The following TNK2 variants were observed in gnomAD, a reference collection of about 807,000 sequenced individuals.
TNK2 encodes activated CDC42 kinase 1.
Under a neutral mutation model 101.8 loss-of-function variants are expected in TNK2, and 83 were observed. That is an observed-to-expected ratio of 0.82 (90% CI 0.68 to 0.98). The LOEUF (loss-of-function observed/expected upper bound fraction) is 0.98. Among genes scored for constraint, TNK2 ranks in the 50% least tolerant of loss-of-function variants. The probability of loss-of-function intolerance (pLI) is 0.00; values close to 1 mark genes in which losing one functional copy is unlikely to be tolerated. For missense variants in TNK2, 1,665 were observed against 1,483.2 expected, an observed-to-expected ratio of 1.12 and a Z score of -2.01; for synonymous variants, 804 against 633.0, an observed-to-expected ratio of 1.27 and a Z score of -4.06.
chr3:195,870,281 C>G, intron 10 of TNK2, 76 bp from the exon 11 acceptor site: 1 of 1,583,182 alleles, frequency 6.3e-7, no homozygotes, highest in Non-Finnish European at 8.6e-7. Flanking sequence ...AGAGCCCCTT[C>G]GTCCTGGAGG....
At chr3:195,876,302 C>A in intron 9 of TNK2, 1 of 414,978 alleles carries the variant, frequency 2.4e-6, no homozygotes. Context: ...AGAGCTGCGG[C>A]AGGTGGCCTC....
chr3:195,865,911 T>C (rs1421804765), intron 15 of TNK2, among the ~76,000 whole-genome samples: 2 of 152,216 alleles, frequency 1.3e-5, no homozygotes, highest in Non-Finnish European at 2.9e-5. Flanking sequence ...ACACGCTTTA[T>C]ATGTGGAGAA....
chr3:195,871,948 T>TTCCCCTGGAGAACCC (rs1362016101), intron 10 of TNK2, among the ~76,000 whole-genome samples: 12 of 74,350 alleles, frequency 1.6e-4, no homozygotes, highest in Admixed American at 7.5e-4. Context: ...CTGGAGAACA[T>TTCCCCTGGAGAACCC]TCCCCTGGAG....
intron 6 of TNK2, 184 bp from the exon 7 acceptor site, chr3:195,879,359 G>T (rs1560508010): frequency 2.5e-6 from 2 of 812,558 alleles, no homozygotes; most frequent in East Asian, 5.7e-5. Context: ...GGGACTTGGG[G>T]AAATCGTCTA....
In TNK2 at chr3:195,867,195, C is replaced by G. The variant is rs552586640; in HGVS notation, c.3007G>C (p.Val1003Leu). The G allele has an allele frequency of 1.2e-6, 2 of 1,612,964 alleles. No homozygotes were observed. The highest frequency in any genetic ancestry group is 2.2e-5 in the East Asian group (1 of 44,868). The change falls in exon 14 of 16, where the codon GTG (valine) becomes CTG (leucine). Residue 1003 changes from valine to leucine, a missense_variant. Transcript: ENST00000672887. ...QAALQCHGWS[V>L]QRAAQYLKVE... ...TTCAGATACTGGGCAGCCCTCTGCA[C>G]GCTCCAGCCGTGGCACTGCAGGGCC... is the stretch of plus-strand genomic sequence containing the variant.
rs922445945 is a variant in TNK2 at position 195,877,497 on chromosome 3, G to C, written c.1256+756C>G. Among the ~76,000 whole-genome samples, 3 of 152,176 alleles carry C rather than the reference G, an allele frequency of 2.0e-5. No homozygotes were observed. The South Asian group carries it at 6.2e-4, about 32-fold the overall frequency. On this transcript the variant is annotated intron_variant, in intron 9 of 15. Coordinates refer to ENST00000672887, the MANE Select transcript of TNK2 (RefSeq NM_001382273.1). ...CCCATCCTTGCCTGGCCTGAGTCAG[G>C]AGCTGCGAGCACAGGGGATTTCCTC...
intron 2 of TNK2, among the ~76,000 whole-genome samples, chr3:195,887,793 A>G (rs1369453559): frequency 6.7e-6 from 1 of 149,794 alleles, no homozygotes; most frequent in African/African-American, 2.5e-5. Context: ...GTGTGTGTAC[A>G]TGTGTGTATG....
In TNK2 at chr3:195,878,905, TGGG is replaced by T; in HGVS notation, c.1014+141_1014+143del. ...GCGTGAGAGGAGACACGGGGCGTGG[TGGG>T]AGGCACGGGAAGTGGGGGGAGGCAC... On this transcript the variant is annotated intron_variant, in intron 7 of 15. Transcript: ENST00000672887. The surrounding 1 kb of genome is among the most constrained non-coding windows in gnomAD (Gnocchi z 4.7). 7.6e-7 allele frequency: 1 copy of T among 1,321,728 alleles called. No homozygotes were observed. Among genetic ancestry groups the T allele is most frequent in the South Asian group, 1.3e-5 (1 of 74,922 alleles). The allele number at this position is 1,321,728 out of a possible 1,614,324, so 81.9% of individuals were successfully genotyped here.
At chr3:195,905,553 T>C (rs1761635844) in intron 1 of TNK2, among the ~76,000 whole-genome samples, 1 of 152,054 alleles carries the variant, frequency 6.6e-6, no homozygotes. Context: ...GATACATCTT[T>C]TTAATAAATG....
intron 1 of TNK2, among the ~76,000 whole-genome samples, chr3:195,889,888 G>A (rs890644359): frequency 6.6e-6 from 1 of 152,204 alleles, no homozygotes; most frequent in South Asian, 2.1e-4. Flanking sequence ...AAGGCCAGCT[G>A]CCCGGCTGGG....
Position 195,886,901 on chromosome 3 carries a change from G to C in TNK2, c.234+76C>G, listed in dbSNP as rs1477542818. 1.3e-6 allele frequency: 2 copies of C among 1,524,538 alleles called. No homozygotes were observed. Among genetic ancestry groups the C allele is most frequent in the African/African-American group, 2.7e-5 (2 of 73,030 alleles). The allele number at this position is 1,524,538 out of a possible 1,614,324, so 94.4% of individuals were successfully genotyped here. A position where few individuals can be genotyped will look rare whatever the true frequency, so the allele number is the denominator to read the frequency against. ...TTCGACCTGCCGGGGAGCTGGGGAA[G>C]GTTCCCAGGACCAGAAGCGGAGGGG... On this transcript the variant is annotated intron_variant, in intron 3 of 15. Transcript: ENST00000672887. The surrounding 1 kb of genome is among the most constrained non-coding windows in gnomAD (Gnocchi z 4.2).
intron 1 of TNK2, among the ~76,000 whole-genome samples, chr3:195,904,069 A>G (rs904617088): frequency 1.3e-5 from 2 of 152,010 alleles, no homozygotes; most frequent in Non-Finnish European, 2.9e-5. Flanking sequence ...CCTGGGCAAC[A>G]TGCCAAACTC....
At chr3:195,869,395 C>A in intron 12 of TNK2, 102 bp downstream of exon 12, 1 of 1,149,912 alleles carries the variant, frequency 8.7e-7, no homozygotes, top group South Asian at 1.3e-5. Flanking sequence ...ACCCACCCAC[C>A]TCCCCTCCGG....
chr3:195,887,517 G>A (rs1412962050), intron 2 of TNK2, among the ~76,000 whole-genome samples: 1 of 152,096 alleles, frequency 6.6e-6, no homozygotes, highest in East Asian at 1.9e-4. Flanking sequence ...AACTAAGTCA[G>A]TGTCTAACTT....
chr3:195,899,844 A>G (rs1231383761), intron 1 of TNK2, among the ~76,000 whole-genome samples: 1 of 151,478 alleles, frequency 6.6e-6, no homozygotes, highest in East Asian at 1.9e-4. Context: ...AGAAGGACTC[A>G]GTCTTTGTGA....
At chr3:195,907,818 G>A (rs1487274143) in intron 1 of TNK2, among the ~76,000 whole-genome samples, 6 of 152,192 alleles carry the variant, frequency 3.9e-5, no homozygotes, top group Admixed American at 2.6e-4. Context: ...GCCCTGGGGT[G>A]CAAGTGCACC....
At chr3:195,892,550 T>G (rs1759003534) in intron 1 of TNK2, 2 of 1,522,366 alleles carry the variant, frequency 1.3e-6, no homozygotes, top group Non-Finnish European at 8.8e-7. Context: ...GCTCCGGAGC[T>G]TCGCACTCTG....
In TNK2 at chr3:195,867,715, G is replaced by A. The variant is rs754049183; in HGVS notation, c.2583C>T (p.Pro861=). ...TGACCTTCTTGCCATCCCGGACGATGGGCAGGATGCAGGGACCAGCCCGCG... is the reference window on the plus strand; with the variant it reads ...TGACCTTCTTGCCATCCCGGACGATAGGCAGGATGCAGGGACCAGCCCGCG... ...PGPRAGPCIL[P]IVRDGKKVSS... The change falls in exon 13 of 16, where the codon CCC becomes CCT. Residue 861 remains proline (P), a synonymous_variant. Coordinates refer to ENST00000672887, the MANE Select transcript of TNK2 (RefSeq NM_001382273.1). 39 of 1,606,948 alleles carry A rather than the reference G, an allele frequency of 2.4e-5. 1 individual carries two copies. The Admixed American group carries it at 6.1e-4, about 25-fold the overall frequency.
rs777351661 is a variant in TNK2, at chr3:195,867,872, G to A, written c.2426C>T (p.Pro809Leu). The change falls in exon 13 of 16, where the codon CCC becomes CTC. Residue 809 changes from proline (P) to leucine (L), a missense_variant. Physicochemically the swap from Pro to Leu is moderately conservative, Grantham distance 98. Around this residue, in one of 3 missense-constraint regions of TNK2, gnomAD observed 1,136 missense variants for 894.9 expected, o/e 1.27. Coordinates refer to ENST00000672887, the MANE Select transcript of TNK2 (RefSeq NM_001382273.1). ...CGGGGAGCTGCCAGGTGGTACCAGG[G>A]GGCTGGGTGTCCTCGAGCCTTGAGG... ...LSPQGSRTPS[P>L]LVPPGSSPLP... 5.0e-5 allele frequency: 77 copies of A among 1,531,414 alleles called. No individual in the cohort carries two copies. Among genetic ancestry groups the A allele is most frequent in the Non-Finnish European group, 5.4e-5 (62 of 1,145,808 alleles). 94.9% of individuals were successfully genotyped at this position (1,531,414 alleles called of 1,614,324 possible).
Sources: allele counts gnomAD v4.1 joint callset (sites outside exome capture counted in the v4.1 genomes callset), GRCh38; gene constraint gnomAD v4.1.1; regional missense constraint gnomAD v4.1.1; non-coding constraint Gnocchi (gnomAD v3.1); transcripts MANE v1.5; gene names NCBI Gene and HGNC (gene_info 2026-07-23, HGNC 2026-07-21).